PPT2: variants seen among roughly 807,000 people sequenced by gnomAD.
The protein encoded by PPT2 is palmitoyl-protein thioesterase 2.
PPT2 carries 20 observed loss-of-function variants against 37.3 expected under a neutral mutation model. That is an observed-to-expected ratio of 0.54 (90% confidence interval 0.38 to 0.78). PPT2 has a LOEUF of 0.78. PPT2 is among the 30% of genes least tolerant of loss of function. The pLI is 0.00. For missense variants in PPT2, 270 were observed against 389.8 expected, an observed-to-expected ratio of 0.69 and a Z score of 2.59; for synonymous variants, 135 against 159.1, an observed-to-expected ratio of 0.85 and a Z score of 1.14.
rs1783697125 is a variant in PPT2, at chr6:32,155,367, G to T, written c.337+184G>T. Among the ~76,000 whole-genome samples, 5 of 151,716 alleles carry T rather than the reference G, an allele frequency of 3.3e-5. No homozygotes were observed. The highest frequency in any genetic ancestry group is 3.3e-4 in the Admixed American group (5 of 15,246). ...CATCTCTGTCTTGAATGGGAGGGAG[G>T]CTCCCTACACTGCTGCCCTTTTGCT... is the stretch of plus-strand genomic sequence containing the variant. On this transcript the variant is annotated intron_variant, in intron 3 of 8. Transcript: ENST00000324816. The surrounding 1 kb of genome is among the most constrained non-coding windows in gnomAD (Gnocchi z 4.3).
chr6:32,153,892 G>T, upstream of PPT2: 1 of 1,256,552 alleles, frequency 8.0e-7, no homozygotes, highest in Non-Finnish European at 1.1e-6. This position sits in a 1 kb window ranked among gnomAD's most constrained non-coding sequence, Gnocchi z 4.4. Context: ...TGGGTCGCTG[G>T]GGGCAACGAA....
chr6:32,157,973 C>G, intron 7 of PPT2, 49 bp downstream of exon 7: 1 of 1,491,216 alleles, frequency 6.7e-7, no homozygotes, highest in Non-Finnish European at 9.3e-7. Context: ...CATCCCCCAA[C>G]CCCAGTTGGT....
chr6:32,162,512 G>A lies in PPT2; in HGVS notation c.711-56G>A, dbSNP rs775796642. 1.6e-5 allele frequency: 24 copies of A among 1,525,232 alleles called. No individual in the cohort carries two copies. The highest frequency in any genetic ancestry group is 2.2e-5 in the East Asian group (1 of 44,450). 94.5% of individuals were successfully genotyped at this position (1,525,232 alleles called of 1,614,324 possible). ...TGCAATTACAGGCGTGTGCCACTGC[G>A]CCCGGCCAGATTTTCTCCAGCTCTT... On this transcript the variant is annotated intron_variant, in intron 7 of 8. Transcript: ENST00000324816. The surrounding 1 kb of genome is among the most constrained non-coding windows in gnomAD (Gnocchi z 5.5).
chr6:32,157,590 C>G, intron 5 of PPT2, 47 bp from the exon 6 acceptor site: 1 of 1,481,198 alleles, frequency 6.8e-7, no homozygotes, highest in East Asian at 2.3e-5. Flanking sequence ...CACCACCAGT[C>G]TTGCCTCCCT....
chr6:32,158,917 G>T (rs566637025), intron 7 of PPT2, among the ~76,000 whole-genome samples: 2 of 152,270 alleles, frequency 1.3e-5, no homozygotes, highest in East Asian at 3.9e-4. Context: ...AAAAGTGGTA[G>T]CAGGGGACCA....
rs142636557 is a variant in PPT2, at chr6:32,154,330, C to G, written c.-83C>G. ...CGCGTTGTTCATGGCTGAGGCGATG[C>G]ATTAGGAAGATCCTGGACCTAGAGA... On this transcript the variant is annotated 5_prime_UTR_variant, in exon 1 of 9. Transcript: ENST00000324816. This position sits in a 1 kb window ranked among gnomAD's most constrained non-coding sequence, Gnocchi z 7.3. The G allele has an allele frequency of 7.3e-4, 1,018 of 1,399,468 alleles. 1 individual carries two copies. Among genetic ancestry groups the G allele is most frequent in the Middle Eastern group, 4.7e-3 (18 of 3,792 alleles). 86.7% of individuals were successfully genotyped at this position (1,399,468 alleles called of 1,614,324 possible).
At chr6:32,161,645 T>C (rs563959708) in intron 7 of PPT2, among the ~76,000 whole-genome samples, 21 of 144,844 alleles carry the variant, frequency 1.4e-4, no homozygotes, top group Non-Finnish European at 3.1e-4. Context: ...TGGAGTGCAG[T>C]GGCGCCATCC....
At chr6:32,157,060 A>C (rs2127390257) in intron 5 of PPT2, 1 of 152,726 alleles carries the variant, frequency 6.5e-6, no homozygotes, top group Non-Finnish European at 1.5e-5. Context: ...ACACGCTTGT[A>C]ATCCCAGCTA....
intron 7 of PPT2, among the ~76,000 whole-genome samples, chr6:32,160,210 AATTT>A (rs1784064294): frequency 7.2e-6 from 1 of 139,616 alleles, no homozygotes; most frequent in Non-Finnish European, 1.6e-5. Context: ...ACGCCCGGCT[AATTT>A]TTTTGTATTT....
upstream of PPT2, chr6:32,154,027 G>T (rs964705970): frequency 2.5e-6 from 3 of 1,184,362 alleles, no homozygotes; most frequent in African/African-American, 4.8e-5. This position sits in a 1 kb window ranked among gnomAD's most constrained non-coding sequence, Gnocchi z 7.3. Context: ...ATATTCCATT[G>T]CCCCTCCTGT....
Position 32,162,376 on chromosome 6 carries a change from T to G in PPT2, c.711-192T>G, listed in dbSNP as rs866585856. ...CTGGGCTTGCAGGCATCTGCCACCATGCCCAGCTAATTTTTGTATTTTTAG... is the reference window on the plus strand; with the variant it reads ...CTGGGCTTGCAGGCATCTGCCACCAGGCCCAGCTAATTTTTGTATTTTTAG... On this transcript the variant is annotated intron_variant, in intron 7 of 8. Coordinates refer to ENST00000324816, the MANE Select transcript of PPT2 (RefSeq NM_005155.7). The surrounding 1 kb of genome is among the most constrained non-coding windows in gnomAD (Gnocchi z 5.5). Among the ~76,000 whole-genome samples the G allele has an allele frequency of 6.6e-6, 1 of 151,854 alleles. No homozygotes were observed. The highest frequency in any genetic ancestry group is 2.4e-5 in the African/African-American group (1 of 41,340).
At chr6:32,158,508 G>A (rs1158635739) in intron 7 of PPT2, among the ~76,000 whole-genome samples, 1 of 152,148 alleles carries the variant, frequency 6.6e-6, no homozygotes, top group African/African-American at 2.4e-5. Flanking sequence ...TACTTGAATT[G>A]CTCAACAAAT....
Position 32,163,130 on chromosome 6 carries a change from C to T in PPT2, c.*180C>T. The T allele has an allele frequency of 1.5e-6, 1 of 662,616 alleles. No homozygotes were observed. The highest frequency in any genetic ancestry group is 2.5e-6 in the Non-Finnish European group (1 of 399,944). The allele number at this position is 662,616 out of a possible 1,614,324, so 41.0% of individuals were successfully genotyped here. ...CCTCCCAGAACCCCCTTCCTCTGCT[C>T]CTCCATGAATGACAATTCCAGGCCT... On this transcript the variant is annotated 3_prime_UTR_variant, in exon 9 of 9. Transcript: ENST00000324816.
intron 7 of PPT2, among the ~76,000 whole-genome samples, chr6:32,159,115 T>C (rs1408308394): frequency 6.6e-6 from 1 of 151,958 alleles, no homozygotes; most frequent in Non-Finnish European, 1.5e-5. Flanking sequence ...CAGAACTTCT[T>C]TTTCCCCAAA....
chr6:32,161,930 C>G (rs778894492), intron 7 of PPT2, among the ~76,000 whole-genome samples: 14 of 152,114 alleles, frequency 9.2e-5, no homozygotes, highest in Non-Finnish European at 1.9e-4. Flanking sequence ...GTTGGCCAGG[C>G]TGGTCTTGAA....
rs141437511 is a variant in PPT2, at chr6:32,162,062, C to A, written c.711-506C>A. ...GGTTTCTACAGAAGTGAGGTCGTAT[C>A]TTCAGTGTATCACCTCATGAAGTAC... is the stretch of plus-strand genomic sequence containing the variant. On this transcript the variant is annotated intron_variant, in intron 7 of 8. Coordinates refer to ENST00000324816, the MANE Select transcript of PPT2 (RefSeq NM_005155.7). This position sits in a 1 kb window ranked among gnomAD's most constrained non-coding sequence, Gnocchi z 5.5. Among the ~76,000 whole-genome samples the A allele has an allele frequency of 3.0e-3, 458 of 152,186 alleles. 2 individuals are homozygous for A. The highest frequency in any genetic ancestry group is 0.01 in the African/African-American group (423 of 41,522).
Position 32,155,606 on chromosome 6 carries a change from GTGTGT to G in PPT2, c.338-81_338-77del. On this transcript the variant is annotated intron_variant, in intron 3 of 8. Coordinates refer to ENST00000324816, the MANE Select transcript of PPT2 (RefSeq NM_005155.7). This position sits in a 1 kb window ranked among gnomAD's most constrained non-coding sequence, Gnocchi z 4.3. ...TCTCTGTGTGTGTGTGTGTGTGTGTGTGTGTGTGTGTGGTGGGGGTGGGGGGTGCT... is the reference window on the plus strand; with the variant it reads ...TCTCTGTGTGTGTGTGTGTGTGTGTGGTGTGTGGTGGGGGTGGGGGGTGCT... The G allele has an allele frequency of 1.1e-6, 1 of 899,078 alleles. No individual in the cohort carries two copies. Among genetic ancestry groups the G allele is most frequent in the Non-Finnish European group, 1.8e-6 (1 of 542,430 alleles). The allele number at this position is 899,078 out of a possible 1,614,324, so 55.7% of individuals were successfully genotyped here. A position where few individuals can be genotyped will look rare whatever the true frequency, so the allele number is the denominator to read the frequency against.
intron 7 of PPT2, among the ~76,000 whole-genome samples, chr6:32,158,744 C>G (rs1215906789): frequency 6.6e-6 from 1 of 152,086 alleles, no homozygotes; most frequent in African/African-American, 2.4e-5. Flanking sequence ...AGTCACCATT[C>G]AATTAGAGAC....
chr6:32,159,114 T>C (rs1253224778), intron 7 of PPT2, among the ~76,000 whole-genome samples: 3 of 152,004 alleles, frequency 2.0e-5, no homozygotes, highest in African/African-American at 7.3e-5. Flanking sequence ...CCAGAACTTC[T>C]TTTTCCCCAA....
Sources: allele counts gnomAD v4.1 joint callset (sites outside exome capture counted in the v4.1 genomes callset), GRCh38; gene constraint gnomAD v4.1.1; non-coding constraint Gnocchi (gnomAD v3.1); transcripts MANE v1.5; gene names NCBI Gene and HGNC (gene_info 2026-07-23, HGNC 2026-07-21).